Variants in CC2D2A observed in about 807,000 individuals in gnomAD.
CC2D2A encodes the protein coiled-coil and C2 domain containing 2A, also known as coiled-coil and C2 domain-containing protein 2A.
A neutral mutation model predicts 212.9 loss-of-function variants in CC2D2A; 155 were observed. That is an observed-to-expected ratio of 0.73 (90% CI 0.64 to 0.83). The LOEUF is 0.83. Among genes scored for constraint, CC2D2A ranks in the 40% least tolerant of loss-of-function variants. The pLI is 0.00. For missense variants in CC2D2A, 1,856 were observed against 1,956.2 expected, an observed-to-expected ratio of 0.95 and a Z score of 0.97; for synonymous variants, 667 against 686.5, an observed-to-expected ratio of 0.97 and a Z score of 0.44.
chr4:15,583,715 C>T (rs914945291), intron 30 of CC2D2A, among the ~76,000 whole-genome samples: 4 of 151,982 alleles, frequency 2.6e-5, no homozygotes, highest in African/African-American at 4.8e-5. Context: ...TTTGGGAGGC[C>T]GAGGCGGGCG....
At position 15,569,935 on chromosome 4, in the gene CC2D2A, C is replaced by T. The variant is rs573423368; in HGVS notation, c.3496-463C>T. Among the ~76,000 whole-genome samples, 3 of 152,286 alleles carry T rather than the reference C, an allele frequency of 2.0e-5. No homozygotes were observed. The South Asian group carries it at 6.2e-4, about 32-fold the overall frequency. On this transcript the variant is annotated intron_variant, in intron 27 of 36. Coordinates refer to ENST00000424120, the MANE Select transcript of CC2D2A (RefSeq NM_001378615.1). ...TCTGGGAATGCAGCCCAGCAAGTCC[C>T]AGCCTCATGTTTCCTAGCCGTCACT...
At chr4:15,494,365 T>C (rs1030298093) in intron 4 of CC2D2A, among the ~76,000 whole-genome samples, 1 of 152,052 alleles carries the variant, frequency 6.6e-6, no homozygotes, top group Non-Finnish European at 1.5e-5. Context: ...AAAATGAAAA[T>C]GCTAGTGGGA....
rs114760230 is a variant in CC2D2A at position 15,481,086 on chromosome 4, A to G, written c.247+259A>G. 2.1e-3 allele frequency: 988 copies of G among 469,472 alleles called. 11 individuals are homozygous for G. The highest frequency in any genetic ancestry group is 0.012 in the African/African-American group (589 of 50,696). The allele number at this position is 469,472 out of a possible 1,614,324, so 29.1% of individuals were successfully genotyped here. A position where few individuals can be genotyped will look rare whatever the true frequency, so the allele number is the denominator to read the frequency against. On this transcript the variant is annotated intron_variant, in intron 4 of 36. Transcript: ENST00000424120. ...CTCCAAATCTGAAATGTGACCTTCA[A>G]TGTTAGAGGTGGAGCCTAGTGGGAG...
rs370869904 is a variant in CC2D2A at position 15,577,638 on chromosome 4, CAAG to C, written c.3772-2326_3772-2324del. Among the ~76,000 whole-genome samples, 543 of 152,054 alleles carry C rather than the reference CAAG, an allele frequency of 3.6e-3. 2 individuals carry two copies. Among genetic ancestry groups the C allele is most frequent in the African/African-American group, 0.013 (522 of 41,480 alleles). Reference sequence around the variant, plus strand: ...ATAAGGAATATTCAAACACAGGCCTCAAGAAGGACTGCTTATAGAGGCAAGTGA... The same window carrying C: ...ATAAGGAATATTCAAACACAGGCCTCAAGGACTGCTTATAGAGGCAAGTGA... On this transcript the variant is annotated intron_variant, in intron 29 of 36. Transcript: ENST00000424120.
At chr4:15,588,618 G>T (rs1720959216) in intron 32 of CC2D2A, among the ~76,000 whole-genome samples, 1 of 152,170 alleles carries the variant, frequency 6.6e-6, no homozygotes. Flanking sequence ...TGCAAGGCAG[G>T]TAATAAAGTA....
rs189045407 is a variant in CC2D2A, at chr4:15,477,963, A to G, written c.40-760A>G. Among the ~76,000 whole-genome samples the G allele has an allele frequency of 8.1e-5, 12 of 147,932 alleles. No homozygotes were observed. In the South Asian group the frequency reaches 8.3e-4, roughly 10 times the overall value. On this transcript the variant is annotated intron_variant, in intron 2 of 36. Transcript: ENST00000424120. ...AAAACAAAAAAATCCTAATTTTAGGAAAAAAAAATCTAGTAAGTTTTGTGT... is the reference window on the plus strand; with the variant it reads ...AAAACAAAAAAATCCTAATTTTAGGGAAAAAAAATCTAGTAAGTTTTGTGT...
chr4:15,595,893 A>G (rs777261860), intron 33 of CC2D2A, 192 bp from the exon 34 acceptor site: 6 of 392,862 alleles, frequency 1.5e-5, no homozygotes, highest in Non-Finnish European at 2.7e-5. Flanking sequence ...AAAATGGCCA[A>G]TGACAACTCT....
chr4:15,479,283 C>T (rs1306143973), intron 3 of CC2D2A: 6 of 1,537,082 alleles, frequency 3.9e-6, no homozygotes, highest in South Asian at 2.4e-5. Context: ...CGCAGGAGTT[C>T]CCCTCCTAGG....
At chr4:15,556,229 T>C (rs111488296) in intron 20 of CC2D2A, among the ~76,000 whole-genome samples, 106 of 152,350 alleles carry the variant, frequency 7.0e-4, no homozygotes, top group Non-Finnish European at 1.2e-3. Context: ...AGGGTAGCCC[T>C]AGCAACACAT....
Position 15,478,767 on chromosome 4 carries a change from T to A in CC2D2A, c.84T>A (p.Asn28Lys). 1 of 1,555,328 alleles carries A rather than the reference T, an allele frequency of 6.4e-7. No homozygotes were observed. Among genetic ancestry groups the A allele is most frequent in the Non-Finnish European group, 8.7e-7 (1 of 1,148,976 alleles). The part of the protein sequence containing the change: ...NDEDADMGRQ[N>K]KNSKVRRQPR... ...AGGATGCAGACATGGGAAGACAGAA[T>A]AAGAACTCAAAGGTTCGAAGACAGC... is the stretch of plus-strand genomic sequence containing the variant. Residue 28 changes from asparagine to lysine, a missense_variant, in exon 3 of 37, where the codon AAT becomes AAA. By Grantham distance (94) the Asn-to-Lys change is moderately conservative. Coordinates refer to ENST00000424120, the MANE Select transcript of CC2D2A (RefSeq NM_001378615.1).
chr4:15,519,873 T>G (rs1308261273), intron 11 of CC2D2A: 1 of 282,688 alleles, frequency 3.5e-6, no homozygotes, highest in South Asian at 3.4e-5. Context: ...AAGATGAGTT[T>G]TGGGTGGGGA....
At position 15,533,349 on chromosome 4, in the gene CC2D2A, A is replaced by T; in HGVS notation, c.1607+16A>T. ...TTTTGAGAAAGTAGGCTTTTTTGAA[A>T]AATTATTTTATTGGGCTATATCATA... On this transcript the variant is annotated intron_variant, in intron 14 of 36. Coordinates refer to ENST00000424120, the MANE Select transcript of CC2D2A (RefSeq NM_001378615.1). 3 of 1,510,286 alleles carry T rather than the reference A, an allele frequency of 2.0e-6. No homozygotes were observed. Among genetic ancestry groups the T allele is most frequent in the Non-Finnish European group, 2.7e-6 (3 of 1,125,558 alleles). 93.6% of individuals were successfully genotyped at this position (1,510,286 alleles called of 1,614,324 possible). A position where few individuals can be genotyped will look rare whatever the true frequency, so the allele number is the denominator to read the frequency against.
intron 1 of CC2D2A, among the ~76,000 whole-genome samples, chr4:15,474,357 C>T (rs923019147): frequency 2.6e-5 from 4 of 152,040 alleles, no homozygotes; most frequent in Non-Finnish European, 5.9e-5. Context: ...ACAAACATGG[C>T]ATGTTCTCAC....
chr4:15,589,479 C>G, intron 32 of CC2D2A, 66 bp from the exon 33 acceptor site: 1 of 1,373,218 alleles, frequency 7.3e-7, no homozygotes, highest in East Asian at 2.5e-5. Flanking sequence ...ATTGTCTGTG[C>G]AAACTACTAT....
chr4:15,566,281 G>A (rs994646192), intron 24 of CC2D2A, among the ~76,000 whole-genome samples: 1 of 152,142 alleles, frequency 6.6e-6, no homozygotes, highest in South Asian at 2.1e-4. Flanking sequence ...GGTGAGGCTT[G>A]GCAGGCCCCA....
At chr4:15,506,407 A>C (rs1716258362) in intron 6 of CC2D2A, among the ~76,000 whole-genome samples, 1 of 152,226 alleles carries the variant, frequency 6.6e-6, no homozygotes, top group Admixed American at 6.5e-5. Flanking sequence ...GGAAAGAAAC[A>C]AAAATAATAA....
At chr4:15,514,622 G>A (rs1043883232) in intron 8 of CC2D2A, 85 bp from the exon 9 acceptor site, 3 of 1,034,458 alleles carry the variant, frequency 2.9e-6, no homozygotes, top group East Asian at 2.6e-5. Flanking sequence ...GAAATGTTAA[G>A]TTTCATGAGT....
intron 15 of CC2D2A, 131 bp downstream of exon 15, chr4:15,537,207 G>A (rs945135343): frequency 1.2e-4 from 83 of 715,266 alleles, no homozygotes; most frequent in South Asian, 1.2e-3. Context: ...TCTCTTCCCC[G>A]TCCCCTGGCT....
At chr4:15,500,617 C>A (rs1715894522) in intron 4 of CC2D2A, among the ~76,000 whole-genome samples, 1 of 152,136 alleles carries the variant, frequency 6.6e-6, no homozygotes. Context: ...TATTTTATAG[C>A]TTTCTATCAC....
Sources: gnomAD v4.1 joint callset for allele counts (sites outside exome capture counted in the v4.1 genomes callset) on GRCh38, gnomAD v4.1.1 for gene constraint, MANE v1.5 for transcripts, NCBI Gene and HGNC (gene_info 2026-07-23, HGNC 2026-07-21) for gene names.